The following RNF146 variants were observed in gnomAD, a reference collection of about 807,000 sequenced individuals.
The protein encoded by RNF146 is E3 ubiquitin-protein ligase RNF146.
Under a neutral mutation model 29.7 loss-of-function variants are expected in RNF146, and 11 were observed. The ratio of observed to expected loss-of-function variants is 0.37; its 90% CI spans 0.23 to 0.61. RNF146 has a LOEUF of 0.61. RNF146 is among the 20% of genes least tolerant of loss of function. The probability of loss-of-function intolerance (pLI) is 0.66; values close to 1 mark genes in which losing one functional copy is unlikely to be tolerated. For synonymous variants in RNF146, 150 were observed against 159.7 expected (o/e 0.94, Z 0.46); for missense variants, 342 against 438.9 (o/e 0.78, Z 1.97).
intron 2 of RNF146, chr6:127,285,444 C>A: frequency 2.2e-6 from 1 of 447,236 alleles, no homozygotes; most frequent in Non-Finnish European, 3.0e-6. Context: ...TTTAAGCTTT[C>A]AATCTCTGAC....
intron 1 of RNF146, among the ~76,000 whole-genome samples, chr6:127,274,673 A>T (rs1777949687): frequency 1.3e-5 from 2 of 152,168 alleles, no homozygotes; most frequent in Admixed American, 1.3e-4. Flanking sequence ...AGAAGGATGG[A>T]TTGGTACATC....
chr6:127,277,814 G>A (rs1218812143), intron 1 of RNF146, among the ~76,000 whole-genome samples: 1 of 152,032 alleles, frequency 6.6e-6, no homozygotes, highest in Admixed American at 6.6e-5. Flanking sequence ...GACACACCCA[G>A]GATCAATACT....
chr6:127,284,359 G>A (rs959738798), intron 2 of RNF146, among the ~76,000 whole-genome samples: 2 of 151,714 alleles, frequency 1.3e-5, no homozygotes, highest in African/African-American at 2.4e-5. Context: ...CCAAAGTAAT[G>A]GTGGTCATCA....
intron 2 of RNF146, among the ~76,000 whole-genome samples, chr6:127,281,295 C>T (rs1778884164): frequency 6.6e-6 from 1 of 151,594 alleles, no homozygotes; most frequent in African/African-American, 2.4e-5. Flanking sequence ...GTCCATTTAT[C>T]TATCTGTATA....
chr6:127,284,952 A>C (rs1779332463), intron 2 of RNF146, among the ~76,000 whole-genome samples: 1 of 151,822 alleles, frequency 6.6e-6, no homozygotes, highest in Admixed American at 6.6e-5. Context: ...TTTTTCTTCC[A>C]GTGTGGCCCA....
chr6:127,272,764 G>A (rs1341881249), intron 1 of RNF146, among the ~76,000 whole-genome samples: 1 of 152,178 alleles, frequency 6.6e-6, no homozygotes, highest in Non-Finnish European at 1.5e-5. Flanking sequence ...GGTTAAGGGT[G>A]CCAACCCCTT....
chr6:127,275,396 A>G (rs149686385), intron 1 of RNF146, among the ~76,000 whole-genome samples: 7 of 152,286 alleles, frequency 4.6e-5, no homozygotes, highest in African/African-American at 1.7e-4. Flanking sequence ...TGAGTTCACA[A>G]TTAGAACTCA....
intron 2 of RNF146, among the ~76,000 whole-genome samples, chr6:127,280,959 C>A: frequency 6.6e-6 from 1 of 151,596 alleles, no homozygotes; most frequent in East Asian, 1.9e-4. Context: ...TTTCTGTTTT[C>A]TAAATTCATA....
intron 2 of RNF146, among the ~76,000 whole-genome samples, chr6:127,285,529 CTTTTTT>C (rs10669927): frequency 9.9e-4 from 129 of 130,006 alleles, no homozygotes; most frequent in African/African-American, 3.5e-3. Flanking sequence ...TTTAAAATGT[CTTTTTT>C]TTTTTTTTTT....
intron 1 of RNF146, among the ~76,000 whole-genome samples, chr6:127,268,444 C>T (rs1171812504): frequency 2.6e-5 from 4 of 152,194 alleles, no homozygotes; most frequent in Admixed American, 2.6e-4. Flanking sequence ...TATAGAGTGT[C>T]TGGGTGCCCT....
In RNF146 at chr6:127,268,370, C is replaced by T. The variant is rs568176677; in HGVS notation, c.-109+1445C>T. On this transcript the variant is annotated intron_variant, in intron 1 of 2. Coordinates refer to ENST00000368314, the MANE Select transcript of RNF146 (RefSeq NM_001242850.2). ...ACGTAAGGACACGTGGAGAAAATGTCCCACACAGATAACAGGATTTGTGAT... is the reference window on the plus strand; with the variant it reads ...ACGTAAGGACACGTGGAGAAAATGTTCCACACAGATAACAGGATTTGTGAT... Among the ~76,000 whole-genome samples the T allele has an allele frequency of 1.7e-4, 26 of 152,282 alleles. No homozygotes were observed. In the South Asian group the frequency reaches 5.2e-3, roughly 30 times the overall value.
Position 127,287,431 on chromosome 6 carries a change from C to G in RNF146, c.818C>G (p.Pro273Arg), listed in dbSNP as rs778581193. Residue 273 changes from proline (P) to arginine (R), a missense_variant, in exon 3 of 3, where the codon CCA (proline) becomes CGA (arginine). By Grantham distance (103) the Pro-to-Arg change is moderately radical. Transcript: ENST00000368314. ...RGEGEEDHES[P>R]SSGRVPAPDT... ...GAAGGAGAAGAAGATCATGAATCAC[C>G]ATCTTCAGGCAGGGTACCAGCACCA... 4 of 1,613,290 alleles carry G rather than the reference C, an allele frequency of 2.5e-6. No homozygotes were observed. The highest frequency in any genetic ancestry group is 3.4e-6 in the Non-Finnish European group (4 of 1,179,608).
intron 2 of RNF146, among the ~76,000 whole-genome samples, chr6:127,284,433 T>C (rs1387502931): frequency 2.0e-5 from 3 of 151,872 alleles, no homozygotes; most frequent in Non-Finnish European, 4.4e-5. Context: ...AATTATTACT[T>C]GTAAATGGAT....
chr6:127,284,727 T>G (rs184496482), intron 2 of RNF146, among the ~76,000 whole-genome samples: 86 of 152,110 alleles, frequency 5.7e-4, no homozygotes, highest in Middle Eastern at 3.4e-3. Context: ...TCAAAATATT[T>G]GAAAGCTTTT....
intron 2 of RNF146, among the ~76,000 whole-genome samples, chr6:127,284,413 A>C (rs978627960): frequency 1.3e-5 from 2 of 151,848 alleles, no homozygotes; most frequent in Admixed American, 1.3e-4. Flanking sequence ...CATGAGTAGA[A>C]TCTTTCTTAA....
intron 1 of RNF146, among the ~76,000 whole-genome samples, chr6:127,278,299 T>C (rs1055100014): frequency 1.3e-5 from 2 of 148,156 alleles, no homozygotes; most frequent in East Asian, 4.8e-4. Context: ...ATCACCATTA[T>C]AGATTTTCCA....
chr6:127,280,494 C>A, intron 2 of RNF146, 154 bp downstream of exon 2: 1 of 1,285,128 alleles, frequency 7.8e-7, no homozygotes, highest in Non-Finnish European at 1.0e-6. Flanking sequence ...AATTTATTTA[C>A]ATTAAGTTAT....
rs1392312839 is a variant in RNF146 at position 127,266,899 on chromosome 6, G to A, written c.-135G>A. 2 of 152,208 alleles carry A rather than the reference G, an allele frequency of 1.3e-5. No homozygotes were observed. Among genetic ancestry groups the A allele is most frequent in the Non-Finnish European group, 2.9e-5 (2 of 67,990 alleles). The allele number at this position is 152,208 out of a possible 1,614,324, so 9.4% of individuals were successfully genotyped here. A position where few individuals can be genotyped will look rare whatever the true frequency, so the allele number is the denominator to read the frequency against. On this transcript the variant is annotated 5_prime_UTR_variant, in exon 1 of 3. Coordinates refer to ENST00000368314, the MANE Select transcript of RNF146 (RefSeq NM_001242850.2). ...TCCGAGGCCAGAGAGAAAAGACTGCGAGGTGGCCGCAGCTGTGGCCGGAGA... is the reference window on the plus strand; with the variant it reads ...TCCGAGGCCAGAGAGAAAAGACTGCAAGGTGGCCGCAGCTGTGGCCGGAGA...
At position 127,287,945 on chromosome 6, in the gene RNF146, T is replaced by C. The variant is rs1180357201; in HGVS notation, c.*252T>C. The C allele has an allele frequency of 9.7e-6, 3 of 310,234 alleles. No homozygotes were observed. The highest frequency in any genetic ancestry group is 2.2e-5 in the African/African-American group (1 of 45,966). The allele number at this position is 310,234 out of a possible 1,614,324, so 19.2% of individuals were successfully genotyped here. ...GTTTTCTTGAGGTCTGTTTACTTTA[T>C]ACTTTTTAAAAACTTCTGTAGTTCT... On this transcript the variant is annotated 3_prime_UTR_variant, in exon 3 of 3. Coordinates refer to ENST00000368314, the MANE Select transcript of RNF146 (RefSeq NM_001242850.2).
Sources: allele counts gnomAD v4.1 joint callset (sites outside exome capture counted in the v4.1 genomes callset), GRCh38; gene constraint gnomAD v4.1.1; transcripts MANE v1.5; gene names NCBI Gene and HGNC (gene_info 2026-07-23, HGNC 2026-07-21).